GPC5: variants seen among roughly 807,000 people sequenced by gnomAD.
GPC5 encodes glypican-5.
Under a neutral mutation model 53.9 loss-of-function variants are expected in GPC5, and 47 were observed. That is an observed-to-expected ratio of 0.87 (90% confidence interval 0.69 to 1.11). The LOEUF (loss-of-function observed/expected upper bound fraction) is 1.11. GPC5 is among the 50% of genes most tolerant of loss of function. GPC5 has a pLI of 0.00. For synonymous variants in GPC5, 286 were observed against 263.3 expected, an observed-to-expected ratio of 1.09 and a Z score of -0.84; for missense variants, 748 against 713.1, an observed-to-expected ratio of 1.05 and a Z score of -0.56.
At chr13:92,485,851 A>G (rs1328211931) in intron 7 of GPC5, among the ~76,000 whole-genome samples, 2 of 152,214 alleles carry the variant, frequency 1.3e-5, no homozygotes, top group Admixed American at 1.3e-4. Flanking sequence ...CTGTAATGCC[A>G]GCTACTCTGG....
At chr13:91,876,794 G>A (rs939948058) in intron 5 of GPC5, among the ~76,000 whole-genome samples, 1 of 152,172 alleles carries the variant, frequency 6.6e-6, no homozygotes, top group Non-Finnish European at 1.5e-5. Context: ...CCAAGACCAT[G>A]GGGAATATGT....
rs184241173 is a variant in GPC5 at position 91,738,120 on chromosome 13, G to A, written c.1154+9455G>A. ...TTGCCTTGTTACACAGGTAAACTTC[G>A]CACTGGTGATAAAGACAAACTAGGT... is the stretch of plus-strand genomic sequence containing the variant. On this transcript the variant is annotated intron_variant, in intron 4 of 7. Transcript: ENST00000377067. Among the ~76,000 whole-genome samples the A allele has an allele frequency of 6.1e-3, 922 of 151,322 alleles. 55 individuals are homozygous for A. Among genetic ancestry groups the A allele is most frequent in the African/African-American group, 0.019 (787 of 40,698 alleles).
chr13:91,984,775 T>C lies in GPC5; in HGVS notation c.1401+76718T>C, dbSNP rs1255129937. ...TAAAAAGCCTAAACATTATTTAACA[T>C]TTGGCCATTTTTATTTATCTTGGCA... On this transcript the variant is annotated intron_variant, in intron 6 of 7. Transcript: ENST00000377067. Among the ~76,000 whole-genome samples the C allele has an allele frequency of 2.0e-5, 3 of 152,340 alleles. No homozygotes were observed. In the East Asian group the frequency reaches 5.8e-4, roughly 29 times the overall value.
At chr13:92,238,199 A>T (rs2139111113) in intron 7 of GPC5, among the ~76,000 whole-genome samples, 1 of 151,996 alleles carries the variant, frequency 6.6e-6, no homozygotes, top group South Asian at 2.1e-4. Flanking sequence ...TTTTTGGGTC[A>T]TGTGATAAGG....
chr13:91,417,108 C>T (rs117401265), intron 1 of GPC5, among the ~76,000 whole-genome samples: 5,900 of 152,120 alleles, frequency 0.039, 173 homozygotes, highest in South Asian at 0.13. Context: ...GTTAGAACCT[C>T]TGAGGGAGAA....
intron 6 of GPC5, among the ~76,000 whole-genome samples, chr13:91,938,724 G>A (rs1042938319): frequency 1.3e-5 from 2 of 152,046 alleles, no homozygotes; most frequent in Non-Finnish European, 2.9e-5. Context: ...CTGTCCTTAT[G>A]AAACTTGCCT....
chr13:91,712,444 T>C (rs2036247510), intron 3 of GPC5, among the ~76,000 whole-genome samples: 1 of 152,044 alleles, frequency 6.6e-6, no homozygotes, highest in South Asian at 2.1e-4. Context: ...TCTCACTAAC[T>C]TGGGTGAAAG....
chr13:91,478,896 T>C (rs1462015482), intron 2 of GPC5, among the ~76,000 whole-genome samples: 41 of 99,154 alleles, frequency 4.1e-4, no homozygotes, highest in East Asian at 1.4e-3. Context: ...TATATATATA[T>C]ATATATGCAC....
intron 7 of GPC5, among the ~76,000 whole-genome samples, chr13:92,559,781 T>C (rs561580952): frequency 1.4e-4 from 22 of 151,736 alleles, no homozygotes; most frequent in African/African-American, 4.6e-4. Context: ...TTTTTCCACA[T>C]GGTCCCATTT....
chr13:92,454,914 G>A (rs757991863), intron 7 of GPC5, among the ~76,000 whole-genome samples: 1 of 152,132 alleles, frequency 6.6e-6, no homozygotes, highest in Non-Finnish European at 1.5e-5. Flanking sequence ...GCTTAATTCT[G>A]TTATTCTGTA....
At chr13:92,631,204 T>C (rs1885224262) in intron 7 of GPC5, among the ~76,000 whole-genome samples, 1 of 152,138 alleles carries the variant, frequency 6.6e-6, no homozygotes, top group South Asian at 2.1e-4. Flanking sequence ...TATTAAAATG[T>C]AAAATTTTAT....
At chr13:91,506,167 A>G (rs1045536081) in intron 2 of GPC5, among the ~76,000 whole-genome samples, 15 of 152,164 alleles carry the variant, frequency 9.9e-5, no homozygotes, top group African/African-American at 3.6e-4. Flanking sequence ...CTGATTCCCA[A>G]GTTCATTCTC....
intron 7 of GPC5, among the ~76,000 whole-genome samples, chr13:92,485,960 C>G (rs1481098855): frequency 6.6e-6 from 1 of 152,194 alleles, no homozygotes; most frequent in Non-Finnish European, 1.5e-5. Flanking sequence ...GAGCAAAACT[C>G]TGTCTCAAAG....
At chr13:91,993,513 A>T (rs2040475925) in intron 6 of GPC5, among the ~76,000 whole-genome samples, 1 of 152,210 alleles carries the variant, frequency 6.6e-6, no homozygotes, top group Admixed American at 6.5e-5. Context: ...TGATAATTTC[A>T]TTCAAACTTA....
chr13:92,155,015 A>G (rs2041933578), intron 7 of GPC5, among the ~76,000 whole-genome samples: 1 of 152,204 alleles, frequency 6.6e-6, no homozygotes, highest in Non-Finnish European at 1.5e-5. Context: ...TACTAGAGAT[A>G]CAGAGATAGT....
chr13:92,853,948 T>G (rs1878899433), intron 7 of GPC5, among the ~76,000 whole-genome samples: 1 of 151,926 alleles, frequency 6.6e-6, no homozygotes, highest in African/African-American at 2.4e-5. Flanking sequence ...ACTTGCTGCA[T>G]CTCTACATTT....
chr13:92,030,352 A>T (rs1000789495), intron 6 of GPC5, among the ~76,000 whole-genome samples: 8 of 151,780 alleles, frequency 5.3e-5, no homozygotes, highest in Non-Finnish European at 8.8e-5. Context: ...GTTCTCCACC[A>T]TCCTTTCCTC....
chr13:91,860,299 C>T (rs962202767), intron 5 of GPC5, among the ~76,000 whole-genome samples: 1 of 152,076 alleles, frequency 6.6e-6, no homozygotes, highest in South Asian at 2.1e-4. Context: ...TTAGCTTCCA[C>T]ATATGAGTGA....
chr13:92,167,386 A>G (rs1190402850), intron 7 of GPC5, among the ~76,000 whole-genome samples: 1 of 152,222 alleles, frequency 6.6e-6, no homozygotes, highest in African/African-American at 2.4e-5. Flanking sequence ...TTTGCAAATG[A>G]TATAAAACTT....
Sources: allele counts gnomAD v4.1 joint callset (sites outside exome capture counted in the v4.1 genomes callset), GRCh38; gene constraint gnomAD v4.1.1; transcripts MANE v1.5; gene names NCBI Gene and HGNC (gene_info 2026-07-23, HGNC 2026-07-21).